HAPSTR1: variants seen among roughly 807,000 people sequenced by gnomAD.
HAPSTR1 encodes the protein HUWE1-associated protein modifying stress responses 1.
At chr16:9,106,375 GT>G in the HAPSTR1 span, 75,350 of 150,742 alleles carry the variant, frequency 0.5, 19,038 homozygotes, top group Non-Finnish European at 0.55. Flanking sequence ...CGCCTCCTGG[GT>G]TCAAATGATT....
At chr16:9,118,508 A>G in the HAPSTR1 span, 1 of 152,662 alleles carries the variant, frequency 6.6e-6, no homozygotes, top group African/African-American at 2.4e-5. Flanking sequence ...TGTATTCATT[A>G]TAGATGTAGC....
chr16:9,092,307 G>GC, the HAPSTR1 span: 3 of 1,443,730 alleles, frequency 2.1e-6, no homozygotes, highest in Non-Finnish European at 2.7e-6. Flanking sequence ...CCGCTTGGCC[G>GC]CCCCCGCCCG....
the HAPSTR1 span, among the ~76,000 whole-genome samples, chr16:9,092,631 C>T: frequency 6.6e-6 from 1 of 151,594 alleles, no homozygotes; most frequent in African/African-American, 2.4e-5. Flanking sequence ...GTGCCCTGAG[C>T]CGGCCTCGGG....
At chr16:9,104,183 T>C in the HAPSTR1 span, 1 of 151,512 alleles carries the variant, frequency 6.6e-6, no homozygotes, top group Non-Finnish European at 1.5e-5. Context: ...GGCGCGATAT[T>C]GGCTCACCGC....
the HAPSTR1 span, chr16:9,103,088 A>G: frequency 6.2e-7 from 1 of 1,614,192 alleles, no homozygotes; most frequent in Non-Finnish European, 8.5e-7. Flanking sequence ...CAGAAGAACT[A>G]TTCGTCGAGA....
At chr16:9,092,188 C>T in the HAPSTR1 span, 1 of 1,581,800 alleles carries the variant, frequency 6.3e-7, no homozygotes, top group South Asian at 1.1e-5. Context: ...AGGCGGCGGC[C>T]GCCGCGCAGC....
At chr16:9,100,462 C>G in the HAPSTR1 span, among the ~76,000 whole-genome samples, 1 of 152,044 alleles carries the variant, frequency 6.6e-6, no homozygotes, top group Non-Finnish European at 1.5e-5. Context: ...TCCTTTTGGC[C>G]CTTGAGTTTT....
At chr16:9,109,202 T>C in the HAPSTR1 span, 1 of 152,154 alleles carries the variant, frequency 6.6e-6, no homozygotes, top group South Asian at 2.1e-4. Context: ...GTCTCCTCAC[T>C]GGAGGGAGAG....
the HAPSTR1 span, among the ~76,000 whole-genome samples, chr16:9,098,159 C>T: frequency 4.6e-5 from 7 of 152,134 alleles, no homozygotes; most frequent in East Asian, 1.9e-4. Flanking sequence ...GGAGAGAAAC[C>T]GTATCTCTAC....
chr16:9,109,169 T>C, the HAPSTR1 span: 1 of 152,226 alleles, frequency 6.6e-6, no homozygotes, highest in African/African-American at 2.4e-5. Context: ...GTTGACAGAC[T>C]AGTGAAGTTG....
At chr16:9,097,296 G>T in the HAPSTR1 span, among the ~76,000 whole-genome samples, 5 of 150,120 alleles carry the variant, frequency 3.3e-5, no homozygotes, top group Non-Finnish European at 5.9e-5. Context: ...AGGTGGGAGT[G>T]CAGTGGTGCT....
At chr16:9,099,242 G>A in the HAPSTR1 span, among the ~76,000 whole-genome samples, 1 of 149,302 alleles carries the variant, frequency 6.7e-6, no homozygotes, top group East Asian at 1.9e-4. Context: ...GTGTCACCCA[G>A]CCTGGAGTGC....
chr16:9,097,972 G>T, the HAPSTR1 span, among the ~76,000 whole-genome samples: 1 of 152,184 alleles, frequency 6.6e-6, no homozygotes, highest in Non-Finnish European at 1.5e-5. Context: ...CAAAAACCTG[G>T]AGTGCTTTTA....
At chr16:9,115,162 C>A in the HAPSTR1 span, among the ~76,000 whole-genome samples, 1 of 152,132 alleles carries the variant, frequency 6.6e-6, no homozygotes, top group Admixed American at 6.5e-5. Context: ...GATTTGAGAA[C>A]ATTTCAGAGA....
At chr16:9,106,870 T>G in the HAPSTR1 span, 3 of 152,186 alleles carry the variant, frequency 2.0e-5, no homozygotes, top group African/African-American at 7.2e-5. Flanking sequence ...CTCGTTTTTA[T>G]GTAAACAGCA....
chr16:9,097,515 CTG>C, the HAPSTR1 span, among the ~76,000 whole-genome samples: 3 of 152,198 alleles, frequency 2.0e-5, no homozygotes, highest in African/African-American at 7.2e-5. Context: ...GGGATTATAA[CTG>C]TGAGCCACCA....
chr16:9,096,149 T>A, the HAPSTR1 span, among the ~76,000 whole-genome samples: 1 of 152,214 alleles, frequency 6.6e-6, no homozygotes, highest in African/African-American at 2.4e-5. Context: ...ACCATTGTGC[T>A]CCTTGACTTA....
At chr16:9,097,726 A>G in the HAPSTR1 span, among the ~76,000 whole-genome samples, 1 of 152,212 alleles carries the variant, frequency 6.6e-6, no homozygotes, top group Non-Finnish European at 1.5e-5. Context: ...CTTTGTTATC[A>G]GGCTGGCTTC....
chr16:9,092,742 GC>G, the HAPSTR1 span, among the ~76,000 whole-genome samples: 29 of 151,966 alleles, frequency 1.9e-4, no homozygotes, highest in African/African-American at 7.0e-4. Flanking sequence ...CGACCTCCCT[GC>G]CCCCCCGGTC....
Sources: gnomAD v4.1 joint callset for allele counts (sites outside exome capture counted in the v4.1 genomes callset) on GRCh38, gnomAD v4.1.1 for gene constraint, MANE v1.5 for transcripts, NCBI Gene and HGNC (gene_info 2026-07-23, HGNC 2026-07-21) for gene names.